The following GMPS variants were observed in gnomAD, a reference collection of about 807,000 sequenced individuals.
GMPS encodes GMP synthase [glutamine-hydrolyzing].
A neutral mutation model predicts 77.9 loss-of-function variants in GMPS; 15 were observed. The ratio of observed to expected loss-of-function variants is 0.19; its 90% CI spans 0.13 to 0.30. The LOEUF is 0.30. GMPS is among the 10% of genes least tolerant of loss of function. GMPS has a pLI of 1.00. For synonymous variants in GMPS, 224 were observed against 275.9 expected, an observed-to-expected ratio of 0.81 and a Z score of 1.86; for missense variants, 590 against 838.8, an observed-to-expected ratio of 0.70 and a Z score of 3.66.
intron 13 of GMPS, among the ~76,000 whole-genome samples, chr3:155,932,143 T>A (rs779503932): frequency 1.3e-5 from 2 of 152,170 alleles, no homozygotes; most frequent in African/African-American, 2.4e-5. Context: ...TTTATTTTAG[T>A]GTAAAATATT....
chr3:155,909,860 T>G (rs1704328728), intron 5 of GMPS, among the ~76,000 whole-genome samples: 1 of 151,810 alleles, frequency 6.6e-6, no homozygotes, highest in African/African-American at 2.4e-5. Context: ...AAGGATCACT[T>G]GAGCCCAGGA....
rs562482734 is a variant in GMPS, at chr3:155,941,098, G to T, written c.*3406G>T. ...AGAGGAAATGCTCTAGGGCCCTTCAGGGCAAATCTTAAAAGGAAGTTCTTG... is the reference window on the plus strand; with the variant it reads ...AGAGGAAATGCTCTAGGGCCCTTCATGGCAAATCTTAAAAGGAAGTTCTTG... On this transcript the variant is annotated 3_prime_UTR_variant, in exon 16 of 16. Transcript: ENST00000496455. The T allele has an allele frequency of 2.6e-4, 48 of 185,944 alleles. No individual in the cohort carries two copies. The highest frequency in any genetic ancestry group is 2.4e-3 in the South Asian group (12 of 5,084). 11.5% of individuals were successfully genotyped at this position (185,944 alleles called of 1,614,324 possible).
chr3:155,907,322 C>T (rs11714133), intron 5 of GMPS, among the ~76,000 whole-genome samples: 59,727 of 152,136 alleles, frequency 0.39, 14,378 homozygotes, highest in Non-Finnish European at 0.52. Flanking sequence ...CGGTGGCTCT[C>T]ACCTATAATT....
intron 10 of GMPS, among the ~76,000 whole-genome samples, chr3:155,921,459 T>C (rs1276830367): frequency 2.6e-5 from 4 of 152,204 alleles, no homozygotes; most frequent in African/African-American, 4.8e-5. Context: ...TGAGCACATA[T>C]GTTATAAACT....
chr3:155,931,078 G>A (rs1465240777), intron 12 of GMPS, among the ~76,000 whole-genome samples: 2 of 151,954 alleles, frequency 1.3e-5, no homozygotes, highest in Non-Finnish European at 2.9e-5. Flanking sequence ...CACCCACCTC[G>A]GCCTCCCAAA....
At chr3:155,916,658 C>T (rs1755187472) in intron 9 of GMPS, among the ~76,000 whole-genome samples, 1 of 152,026 alleles carries the variant, frequency 6.6e-6, no homozygotes, top group Non-Finnish European at 1.5e-5. Context: ...TTGTATTTAT[C>T]CTTTGATCAG....
intron 8 of GMPS, among the ~76,000 whole-genome samples, chr3:155,915,362 C>A (rs1030536685): frequency 6.6e-6 from 1 of 150,630 alleles, no homozygotes; most frequent in Admixed American, 6.6e-5. Flanking sequence ...CTCAGCCTCC[C>A]GAGTAGCTGG....
chr3:155,939,045 G>T lies in GMPS; in HGVS notation c.*1353G>T. ...AGTGTTAGACAAACAACAAAATGAT[G>T]CGTGGCAGAAGTCATCTTTTTATTC... is the stretch of plus-strand genomic sequence containing the variant. On this transcript the variant is annotated 3_prime_UTR_variant, in exon 16 of 16. Coordinates refer to ENST00000496455, the MANE Select transcript of GMPS (RefSeq NM_003875.3). 9.1e-6 allele frequency: 2 copies of T among 218,598 alleles called. No individual in the cohort carries two copies. Among genetic ancestry groups the T allele is most frequent in the Admixed American group, 5.8e-5 (1 of 17,316 alleles). 13.5% of individuals were successfully genotyped at this position (218,598 alleles called of 1,614,324 possible). A position where few individuals can be genotyped will look rare whatever the true frequency, so the allele number is the denominator to read the frequency against.
rs547657490 is a variant in GMPS at position 155,942,768 on chromosome 3, G to A, written c.*5076G>A. ...AAGCCACCCCTGTGCTATAGCCACC[G>A]CTCCAATTCTGACTCTAGCTAGGTC... On this transcript the variant is annotated 3_prime_UTR_variant, in exon 16 of 16. Coordinates refer to ENST00000496455, the MANE Select transcript of GMPS (RefSeq NM_003875.3). 7.6e-5 allele frequency: 17 copies of A among 223,820 alleles called. No homozygotes were observed. The highest frequency in any genetic ancestry group is 1.3e-4 in the Non-Finnish European group (15 of 112,336). 13.9% of individuals were successfully genotyped at this position (223,820 alleles called of 1,614,324 possible). A position where few individuals can be genotyped will look rare whatever the true frequency, so the allele number is the denominator to read the frequency against.
chr3:155,895,287 AACCT>A (rs1754574367), intron 2 of GMPS: 2 of 151,900 alleles, frequency 1.3e-5, no homozygotes. Flanking sequence ...GAGACATCTT[AACCT>A]ACCTATTTTT....
intron 5 of GMPS, among the ~76,000 whole-genome samples, chr3:155,907,411 A>G (rs1754921211): frequency 1.3e-5 from 2 of 152,142 alleles, no homozygotes; most frequent in Admixed American, 6.5e-5. Flanking sequence ...GTGAGACCCC[A>G]TCTCTACATA....
intron 5 of GMPS, among the ~76,000 whole-genome samples, chr3:155,907,689 T>C (rs1028614779): frequency 7.2e-5 from 11 of 152,136 alleles, no homozygotes; most frequent in Admixed American, 7.2e-4. Context: ...TATGTCAGAA[T>C]CAGATAGTGT....
chr3:155,884,241 C>T (rs1754276995), intron 1 of GMPS, among the ~76,000 whole-genome samples: 2 of 151,688 alleles, frequency 1.3e-5, no homozygotes, highest in South Asian at 4.2e-4. Flanking sequence ...CAAAAATTAG[C>T]TGGGCATGGT....
Position 155,941,666 on chromosome 3 carries a change from A to G in GMPS, c.*3974A>G, listed in dbSNP as rs946980982. ...TTTCATTGACCCAAATCCAGAATGTAATGGGGAACTGAATACAAGTTGGAT... is the reference window on the plus strand; with the variant it reads ...TTTCATTGACCCAAATCCAGAATGTGATGGGGAACTGAATACAAGTTGGAT... On this transcript the variant is annotated 3_prime_UTR_variant, in exon 16 of 16. Coordinates refer to ENST00000496455, the MANE Select transcript of GMPS (RefSeq NM_003875.3). 4.5e-6 allele frequency: 1 copy of G among 222,394 alleles called. No homozygotes were observed. The highest frequency in any genetic ancestry group is 9.0e-6 in the Non-Finnish European group (1 of 111,306). The allele number at this position is 222,394 out of a possible 1,614,324, so 13.8% of individuals were successfully genotyped here.
chr3:155,888,230 C>T (rs1228131644), intron 1 of GMPS, among the ~76,000 whole-genome samples: 4 of 141,138 alleles, frequency 2.8e-5, no homozygotes, highest in African/African-American at 1.1e-4. Flanking sequence ...TTTTTTAATC[C>T]AGTAATTTTG....
rs1421038826 is a variant in GMPS at position 155,925,244 on chromosome 3, C to T, written c.1438C>T (p.His480Tyr). Residue 480 changes from histidine to tyrosine, a missense_variant, in exon 12 of 16, where the codon CAT (histidine) becomes TAT (tyrosine). Coordinates refer to ENST00000496455, the MANE Select transcript of GMPS (RefSeq NM_003875.3). Reference protein sequence around the residue: ...ADFSASVKKPHTLLQRVKACT... With the variant: ...ADFSASVKKPYTLLQRVKACT... Reference sequence around the variant, plus strand: ...ATGCCTCTTTGGTTTTTCTCAGCCACATACCCTATTACAGAGAGTCAAAGC... The same window carrying T: ...ATGCCTCTTTGGTTTTTCTCAGCCATATACCCTATTACAGAGAGTCAAAGC... The T allele has an allele frequency of 6.2e-7, 1 of 1,609,016 alleles. No homozygotes were observed. The highest frequency in any genetic ancestry group is 8.5e-7 in the Non-Finnish European group (1 of 1,178,256).
chr3:155,908,521 G>C (rs776399411), intron 5 of GMPS, among the ~76,000 whole-genome samples: 3 of 152,218 alleles, frequency 2.0e-5, no homozygotes, highest in Admixed American at 6.5e-5. Flanking sequence ...AAGTTGTTAG[G>C]ACCAGGGTGG....
At position 155,940,704 on chromosome 3, in the gene GMPS, AG is replaced by A. The variant is rs1755865409; in HGVS notation, c.*3013del. ...AATTTGTATTTTGTAAACAAGAGAA[AG>A]TAAAGCAGGAGACAGAATGGAGAAG... On this transcript the variant is annotated 3_prime_UTR_variant, in exon 16 of 16. Coordinates refer to ENST00000496455, the MANE Select transcript of GMPS (RefSeq NM_003875.3). 4.6e-6 allele frequency: 1 copy of A among 219,268 alleles called. No individual in the cohort carries two copies. The highest frequency in any genetic ancestry group is 2.3e-5 in the African/African-American group (1 of 44,310). The allele number at this position is 219,268 out of a possible 1,614,324, so 13.6% of individuals were successfully genotyped here.
intron 5 of GMPS, among the ~76,000 whole-genome samples, chr3:155,909,011 A>G (rs1754964939): frequency 6.6e-6 from 1 of 152,160 alleles, no homozygotes; most frequent in African/African-American, 2.4e-5. Context: ...ACCAGCAAAG[A>G]GATTCAGAAG....
Sources: gnomAD v4.1 joint callset for allele counts (sites outside exome capture counted in the v4.1 genomes callset) on GRCh38, gnomAD v4.1.1 for gene constraint, MANE v1.5 for transcripts, NCBI Gene and HGNC (gene_info 2026-07-23, HGNC 2026-07-21) for gene names.